The following AUH variants were observed in gnomAD, a reference collection of about 807,000 sequenced individuals.
AUH encodes the protein AU RNA binding methylglutaconyl-CoA hydratase.
AUH carries 29 observed loss-of-function variants against 42.3 expected under a neutral mutation model. The observed-to-expected ratio is 0.69, with a 90% CI of 0.51 to 0.93. AUH has a LOEUF of 0.93. AUH is among the 40% of genes least tolerant of loss of function. AUH has a pLI of 0.00. For missense variants in AUH, 452 were observed against 438.1 expected (o/e 1.03, Z -0.28); for synonymous variants, 174 against 166.4 (o/e 1.05, Z -0.35).
chr9:91,340,767 C>A (rs989313640), intron 3 of AUH, among the ~76,000 whole-genome samples: 8 of 152,208 alleles, frequency 5.3e-5, no homozygotes, highest in African/African-American at 1.9e-4. Context: ...GTGTAACTGA[C>A]CCCTGCTCCT....
chr9:91,335,131 T>C (rs1406395576), intron 3 of AUH, among the ~76,000 whole-genome samples: 5 of 152,228 alleles, frequency 3.3e-5, no homozygotes, highest in African/African-American at 7.2e-5. Context: ...AAAGAGTATA[T>C]AAAGACTGGA....
chr9:91,261,729 T>C (rs943559610), intron 6 of AUH, among the ~76,000 whole-genome samples: 2 of 152,218 alleles, frequency 1.3e-5, no homozygotes, highest in African/African-American at 4.8e-5. Flanking sequence ...CAGCAGTGAT[T>C]TTAGGACTTC....
At chr9:91,291,338 T>C (rs1258004136) in intron 6 of AUH, among the ~76,000 whole-genome samples, 2 of 152,204 alleles carry the variant, frequency 1.3e-5, no homozygotes, top group Non-Finnish European at 2.9e-5. Context: ...CGGCATGCCA[T>C]CCAACCCACT....
chr9:91,216,778 T>A (rs1048523383), intron 8 of AUH, among the ~76,000 whole-genome samples: 2 of 152,202 alleles, frequency 1.3e-5, no homozygotes, highest in African/African-American at 4.8e-5. Flanking sequence ...GCCTGGGGCC[T>A]TCACTCTTTT....
Position 91,326,666 on chromosome 9 carries a change from A to G in AUH, c.419-1262T>C, listed in dbSNP as rs551453371. 3.3e-5 allele frequency among the ~76,000 whole-genome samples: 5 copies of G among 152,342 alleles called. No individual in the cohort carries two copies. The East Asian group carries it at 7.7e-4, about 24-fold the overall frequency. The stretch of plus-strand genomic sequence containing the variant: ...AAAACACACAGAAATGATAAATTCA[A>G]TTGGTGGTTATGGGGGCTGGAGTAT... On this transcript the variant is annotated intron_variant, in intron 3 of 9. Transcript: ENST00000375731.
At chr9:91,266,551 C>T (rs188123414) in intron 6 of AUH, among the ~76,000 whole-genome samples, 1 of 152,272 alleles carries the variant, frequency 6.6e-6, no homozygotes, top group African/African-American at 2.4e-5. Context: ...GCAAAGCCCT[C>T]TATAACTGGC....
chr9:91,330,151 A>C (rs1008361726), intron 3 of AUH, among the ~76,000 whole-genome samples: 1 of 152,208 alleles, frequency 6.6e-6, no homozygotes, highest in Non-Finnish European at 1.5e-5. Flanking sequence ...CAATATACAA[A>C]AATCAACTGT....
At chr9:91,286,653 C>T (rs1454209843) in intron 6 of AUH, among the ~76,000 whole-genome samples, 1 of 151,486 alleles carries the variant, frequency 6.6e-6, no homozygotes, top group Non-Finnish European at 1.5e-5. Context: ...TTACCCTAAA[C>T]CTAACCATGA....
At chr9:91,224,464 A>G (rs1175214157) in intron 6 of AUH, among the ~76,000 whole-genome samples, 1 of 152,008 alleles carries the variant, frequency 6.6e-6, no homozygotes, top group Non-Finnish European at 1.5e-5. Context: ...TTTTGGTCCA[A>G]TTTACCTCTT....
chr9:91,217,731 G>A (rs1826905720), intron 7 of AUH, among the ~76,000 whole-genome samples: 1 of 152,182 alleles, frequency 6.6e-6, no homozygotes, highest in South Asian at 2.1e-4. Context: ...TGTTGCTATT[G>A]ATTAAGGTAG....
At chr9:91,255,850 T>C (rs1207814908) in intron 6 of AUH, among the ~76,000 whole-genome samples, 1 of 152,182 alleles carries the variant, frequency 6.6e-6, no homozygotes, top group Non-Finnish European at 1.5e-5. Context: ...TGAATTAACT[T>C]GGAAACTGTC....
chr9:91,251,206 G>T (rs76752209), intron 6 of AUH, among the ~76,000 whole-genome samples: 4,660 of 152,270 alleles, frequency 0.031, 223 homozygotes, highest in African/African-American at 0.099. Context: ...CTCCTTGCCA[G>T]TCCCCTCTAG....
intron 3 of AUH, among the ~76,000 whole-genome samples, chr9:91,331,236 T>C (rs2131899435): frequency 6.6e-6 from 1 of 152,166 alleles, no homozygotes; most frequent in Middle Eastern, 3.4e-3. Flanking sequence ...GAGAAAAAGG[T>C]GAAGAAAGTA....
At chr9:91,358,028 C>T (rs1291527039) in intron 1 of AUH, among the ~76,000 whole-genome samples, 1 of 152,124 alleles carries the variant, frequency 6.6e-6, no homozygotes, top group Non-Finnish European at 1.5e-5. Context: ...CTTCAAGACA[C>T]AATTCGAGTC....
intron 4 of AUH, among the ~76,000 whole-genome samples, chr9:91,322,354 C>T (rs1829647546): frequency 6.6e-6 from 1 of 152,164 alleles, no homozygotes; most frequent in African/African-American, 2.4e-5. Flanking sequence ...ACTTTTACTT[C>T]TAAAATCAAG....
intron 3 of AUH, among the ~76,000 whole-genome samples, chr9:91,327,243 C>A (rs996626390): frequency 6.6e-6 from 1 of 152,154 alleles, no homozygotes; most frequent in Non-Finnish European, 1.5e-5. Context: ...AGACAAATTC[C>A]CCAGCAGACA....
chr9:91,299,135 C>T (rs567282318), intron 4 of AUH, among the ~76,000 whole-genome samples: 4 of 152,248 alleles, frequency 2.6e-5, no homozygotes, highest in Middle Eastern at 6.8e-3. Flanking sequence ...AGGAGAATCG[C>T]GTAAACCCAG....
intron 7 of AUH, chr9:91,219,097 A>C (rs1009800312): frequency 4.3e-6 from 4 of 938,564 alleles, no homozygotes; most frequent in Non-Finnish European, 5.1e-6. Flanking sequence ...CTGGCAGTGG[A>C]AGGAGGGAGC....
intron 6 of AUH, among the ~76,000 whole-genome samples, chr9:91,270,516 T>A (rs553139478): frequency 3.0e-4 from 46 of 152,294 alleles, no homozygotes; most frequent in African/African-American, 1.0e-3. Flanking sequence ...ATGATACCAA[T>A]ATACTTCTCA....
Sources: gnomAD v4.1 joint callset for allele counts (sites outside exome capture counted in the v4.1 genomes callset) on GRCh38, gnomAD v4.1.1 for gene constraint, MANE v1.5 for transcripts, NCBI Gene and HGNC (gene_info 2026-07-23, HGNC 2026-07-21) for gene names.